TENM1: variants seen among roughly 807,000 people sequenced by gnomAD.
TENM1 encodes the protein teneurin transmembrane protein 1, also known as teneurin-1.
TENM1 carries 35 observed loss-of-function variants against 174.8 expected under a neutral mutation model. That is an observed-to-expected ratio of 0.20 (90% CI 0.15 to 0.27). The LOEUF is 0.27. Among genes scored for constraint, TENM1 ranks in the 10% least tolerant of loss-of-function variants. The pLI is 1.00. For synonymous variants in TENM1, 781 were observed against 798.7 expected, an observed-to-expected ratio of 0.98 and a Z score of 0.37; for missense variants, 1,633 against 2,130.1, an observed-to-expected ratio of 0.77 and a Z score of 4.59.
At chrX:124,752,597 A>G (rs548708757) in intron 3 of TENM1, among the ~76,000 whole-genome samples, 2 of 111,018 alleles carry the variant, frequency 1.8e-5, no homozygotes, top group African/African-American at 3.3e-5. Flanking sequence ...TAATGCCTAG[A>G]TTTTCTTCTA....
chrX:124,595,446 A>G (rs1406427185), intron 11 of TENM1, among the ~76,000 whole-genome samples: 1 of 112,247 alleles, frequency 8.9e-6, no homozygotes, highest in Admixed American at 9.5e-5. Flanking sequence ...AATGCAAATG[A>G]TTGACTAATA....
intron 14 of TENM1, among the ~76,000 whole-genome samples, chrX:124,551,596 A>C (rs2148132745): frequency 9.0e-6 from 1 of 110,510 alleles, no homozygotes; most frequent in African/African-American, 3.3e-5. Context: ...CAAGAAGAAA[A>C]CCGTTGGATG....
chrX:124,538,822 T>A (rs1216914821), intron 15 of TENM1, among the ~76,000 whole-genome samples: 2 of 112,332 alleles, frequency 1.8e-5, no homozygotes, highest in Non-Finnish European at 3.8e-5. Flanking sequence ...TAGCACTATA[T>A]TTCCTTTTAA....
At chrX:124,756,470 G>A (rs1269944492) in intron 3 of TENM1, among the ~76,000 whole-genome samples, 2 of 110,556 alleles carry the variant, frequency 1.8e-5, no homozygotes, top group African/African-American at 6.7e-5. Context: ...TTGATCGTCT[G>A]AAGCCTTCTT....
the TENM1 span, among the ~76,000 whole-genome samples, chrX:125,064,925 T>C: frequency 7.1e-5 from 8 of 112,040 alleles, no homozygotes; most frequent in Non-Finnish European, 1.3e-4. Flanking sequence ...TACACAATTC[T>C]GACTGAAAAA....
In TENM1 at chrX:124,951,860, T is replaced by C. The variant is rs189001812; in HGVS notation, c.217+11677A>G. 2.3e-3 allele frequency among the ~76,000 whole-genome samples: 257 copies of C among 109,696 alleles called. 7 individuals are homozygous for C. The Admixed American group carries it at 0.024, about 10-fold the overall frequency. Reference sequence around the variant, plus strand: ...TTATAAAATCATGGTGGCAGAATGATGGTACAGCCAGCCCGCTTGTAGCTT... The same window carrying C: ...TTATAAAATCATGGTGGCAGAATGACGGTACAGCCAGCCCGCTTGTAGCTT... On this transcript the variant is annotated intron_variant, in intron 1 of 31. Coordinates refer to ENST00000422452, the Ensembl canonical transcript of TENM1.
At chrX:125,178,000 C>G in the TENM1 span, among the ~76,000 whole-genome samples, 1 of 111,456 alleles carries the variant, frequency 9.0e-6, no homozygotes. Context: ...TTACAAGAAA[C>G]TGAATTGAGT....
At chrX:125,115,571 C>T in the TENM1 span, among the ~76,000 whole-genome samples, 1 of 111,151 alleles carries the variant, frequency 9.0e-6, no homozygotes, top group South Asian at 3.8e-4. Context: ...GTGCAAAAAC[C>T]ACAGCATTCC....
At chrX:124,651,017 A>G (rs1054759655) in intron 8 of TENM1, among the ~76,000 whole-genome samples, 6 of 112,286 alleles carry the variant, frequency 5.3e-5, no homozygotes, top group Admixed American at 4.7e-4. Context: ...TAAAGTCAAC[A>G]CATCTTCCTA....
intron 11 of TENM1, among the ~76,000 whole-genome samples, chrX:124,577,665 A>G (rs1186102680): frequency 9.0e-6 from 1 of 111,694 alleles, no homozygotes; most frequent in Non-Finnish European, 1.9e-5. Flanking sequence ...GGAGTAAAGT[A>G]TTTGACTTTA....
At chrX:124,747,276 G>A (rs774628160) in intron 3 of TENM1, among the ~76,000 whole-genome samples, 1 of 109,431 alleles carries the variant, frequency 9.1e-6, no homozygotes, top group Non-Finnish European at 1.9e-5. Context: ...CCCCTCCAGC[G>A]AAATGAACAT....
intron 3 of TENM1, among the ~76,000 whole-genome samples, chrX:124,758,236 A>G (rs1286497221): frequency 8.9e-6 from 1 of 112,406 alleles, no homozygotes; most frequent in Non-Finnish European, 1.9e-5. Flanking sequence ...GGACTTGAAT[A>G]GATATCTTTC....
intron 3 of TENM1, among the ~76,000 whole-genome samples, chrX:124,846,886 T>C (rs1279867145): frequency 1.8e-5 from 2 of 111,737 alleles, no homozygotes; most frequent in Admixed American, 9.5e-5. Flanking sequence ...GAGATACATG[T>C]GTATTTTTAA....
intron 1 of TENM1, among the ~76,000 whole-genome samples, chrX:124,957,214 GATGGATGGTTGGATGGATGGATGA>G (rs2058587179): frequency 9.1e-6 from 1 of 110,362 alleles, no homozygotes; most frequent in South Asian, 3.9e-4. Flanking sequence ...TGGATGGATG[GATGGATGGTTGGATGGATGGATGA>G]ATGGATGACA....
chrX:125,168,879 A>G, the TENM1 span, among the ~76,000 whole-genome samples: 1 of 111,439 alleles, frequency 9.0e-6, no homozygotes, highest in South Asian at 3.7e-4. Context: ...AGTCATGACC[A>G]GACTTTTGAC....
intron 18 of TENM1, among the ~76,000 whole-genome samples, chrX:124,512,349 C>T (rs892058647): frequency 3.6e-5 from 4 of 111,048 alleles, no homozygotes; most frequent in Non-Finnish European, 7.5e-5. Flanking sequence ...ACAATGATTT[C>T]CAGACATCGT....
chrX:124,747,856 C>T (rs1390658375), intron 3 of TENM1, among the ~76,000 whole-genome samples: 1 of 110,600 alleles, frequency 9.0e-6, no homozygotes, highest in Admixed American at 9.6e-5. Context: ...TGATGACAAC[C>T]TGGATTTGAT....
At chrX:124,416,810 G>GTCCTAA (rs1426523891) in intron 25 of TENM1, among the ~76,000 whole-genome samples, 1 of 111,951 alleles carries the variant, frequency 8.9e-6, no homozygotes. Context: ...AACAGGTGAG[G>GTCCTAA]CCTTTAGGAG....
chrX:124,538,072 T>G (rs185388764), intron 15 of TENM1, among the ~76,000 whole-genome samples: 1 of 112,266 alleles, frequency 8.9e-6, no homozygotes, highest in African/African-American at 3.2e-5. Flanking sequence ...TGTTTCTTTT[T>G]GGTACCTTTA....
Sources: allele counts gnomAD v4.1 joint callset (sites outside exome capture counted in the v4.1 genomes callset), GRCh38; gene constraint gnomAD v4.1.1; transcripts MANE v1.5; gene names NCBI Gene and HGNC (gene_info 2026-07-23, HGNC 2026-07-21).